Variants in TBC1D5 observed in about 807,000 individuals in gnomAD.
TBC1D5 encodes the protein TBC1 domain family member 5.
TBC1D5 carries 75 observed loss-of-function variants against 100.3 expected under a neutral mutation model. The observed-to-expected ratio is 0.75, with a 90% CI of 0.62 to 0.91. The LOEUF (loss-of-function observed/expected upper bound fraction) is 0.91, where lower values mean the gene tolerates loss of function less well. Among genes scored for constraint, TBC1D5 ranks in the 40% least tolerant of loss-of-function variants. The pLI is 0.00. For synonymous variants in TBC1D5, 323 were observed against 325.6 expected, an observed-to-expected ratio of 0.99 and a Z score of 0.09; for missense variants, 910 against 942.4, an observed-to-expected ratio of 0.97 and a Z score of 0.45.
intron 8 of TBC1D5, among the ~76,000 whole-genome samples, chr3:17,401,287 A>C: frequency 6.8e-6 from 1 of 147,494 alleles, no homozygotes; most frequent in African/African-American, 2.5e-5. Context: ...ATACACATAT[A>C]TATGTATGTG....
intron 19 of TBC1D5, among the ~76,000 whole-genome samples, chr3:17,179,656 A>G (rs927823911): frequency 2.6e-5 from 4 of 152,204 alleles, no homozygotes; most frequent in African/African-American, 9.6e-5. Flanking sequence ...ATCTGCAAAT[A>G]AAGAACAGCT....
At chr3:17,492,569 G>A (rs925355500) in intron 3 of TBC1D5, among the ~76,000 whole-genome samples, 1 of 152,084 alleles carries the variant, frequency 6.6e-6, no homozygotes, top group African/African-American at 2.4e-5. Flanking sequence ...CGAGTAGCTG[G>A]GACTACAGGA....
intron 13 of TBC1D5, among the ~76,000 whole-genome samples, chr3:17,313,147 G>C (rs1354263219): frequency 6.6e-6 from 1 of 152,122 alleles, no homozygotes; most frequent in Non-Finnish European, 1.5e-5. Context: ...TTCCAACTAG[G>C]GAGCAGTTGG....
At chr3:17,201,259 G>A (rs1250076669) in intron 18 of TBC1D5, among the ~76,000 whole-genome samples, 2 of 152,010 alleles carry the variant, frequency 1.3e-5, no homozygotes, top group Non-Finnish European at 2.9e-5. Context: ...AAAAAAACAC[G>A]GCCCCTTCTC....
At chr3:17,481,671 T>A (rs541706012) in intron 3 of TBC1D5, among the ~76,000 whole-genome samples, 28 of 152,380 alleles carry the variant, frequency 1.8e-4, no homozygotes, top group Middle Eastern at 6.8e-3. Context: ...CTATGTAGAA[T>A]AAATATGCTA....
chr3:17,544,132 T>C (rs979747603), intron 2 of TBC1D5, among the ~76,000 whole-genome samples: 1 of 152,094 alleles, frequency 6.6e-6, no homozygotes, highest in African/African-American at 2.4e-5. Flanking sequence ...CCTCCCAAAG[T>C]GTTCGGATTA....
At position 17,279,375 on chromosome 3, in the gene TBC1D5, G is replaced by C. The variant is rs184423485; in HGVS notation, c.1245+12520C>G. Among the ~76,000 whole-genome samples, 430 of 152,188 alleles carry C rather than the reference G, an allele frequency of 2.8e-3. 1 individual carries two copies. The highest frequency in any genetic ancestry group is 9.4e-3 in the African/African-American group (391 of 41,518). ...GCATAAAATCAAATGGAGAAGTAAG[G>C]GGGCACTTTCAATCCCTTTGTATGC... On this transcript the variant is annotated intron_variant, in intron 15 of 21. Transcript: ENST00000253692.
At chr3:17,360,467 A>G in intron 13 of TBC1D5, among the ~76,000 whole-genome samples, 1 of 152,082 alleles carries the variant, frequency 6.6e-6, no homozygotes, top group African/African-American at 2.4e-5. Context: ...ACCTTTTTAT[A>G]TATATATACC....
chr3:17,424,568 T>A (rs2094294052), intron 4 of TBC1D5, among the ~76,000 whole-genome samples: 1 of 152,232 alleles, frequency 6.6e-6, no homozygotes, highest in African/African-American at 2.4e-5. Flanking sequence ...TTCTCAAGTC[T>A]TATAAACTTT....
chr3:17,464,600 T>A (rs2095271583), intron 3 of TBC1D5, among the ~76,000 whole-genome samples: 1 of 152,156 alleles, frequency 6.6e-6, no homozygotes, highest in Non-Finnish European at 1.5e-5. Context: ...TCTCTAACCT[T>A]ATTTAACTTA....
intron 1 of TBC1D5, among the ~76,000 whole-genome samples, chr3:17,637,654 G>A (rs1018481945): frequency 3.9e-5 from 6 of 151,948 alleles, no homozygotes; most frequent in African/African-American, 1.2e-4. Context: ...ATAACAAGTT[G>A]CACAAAGAAA....
intron 12 of TBC1D5, among the ~76,000 whole-genome samples, chr3:17,372,791 A>G (rs1314516489): frequency 6.6e-6 from 1 of 152,236 alleles, no homozygotes; most frequent in Non-Finnish European, 1.5e-5. Context: ...TTATTATTCC[A>G]AAAATATAAA....
intron 2 of TBC1D5, among the ~76,000 whole-genome samples, chr3:17,562,525 AAAAG>A (rs1387298098): frequency 8.6e-4 from 131 of 152,142 alleles, no homozygotes; most frequent in Admixed American, 1.7e-3. Context: ...ACAAAAAAAA[AAAAG>A]AAAGAAAGAT....
chr3:17,614,918 A>C (rs1298189372), intron 2 of TBC1D5, among the ~76,000 whole-genome samples: 1 of 152,118 alleles, frequency 6.6e-6, no homozygotes. Context: ...TTCCAACACT[A>C]TGTTGAATAG....
chr3:17,302,533 G>A (rs935189654), intron 14 of TBC1D5, among the ~76,000 whole-genome samples: 4 of 152,160 alleles, frequency 2.6e-5, no homozygotes, highest in African/African-American at 9.7e-5. Context: ...TACAAAATCA[G>A]AATTTTGGAC....
At chr3:17,252,976 C>T (rs2077301796) in intron 16 of TBC1D5, among the ~76,000 whole-genome samples, 1 of 152,156 alleles carries the variant, frequency 6.6e-6, no homozygotes, top group South Asian at 2.1e-4. Context: ...GGGTGTGGGT[C>T]TTAGAATCAT....
At chr3:17,347,198 T>A (rs1434253745) in intron 13 of TBC1D5, among the ~76,000 whole-genome samples, 1 of 152,158 alleles carries the variant, frequency 6.6e-6, no homozygotes, top group Admixed American at 6.5e-5. Context: ...CTATGTGAAT[T>A]GGATATGTTA....
intron 3 of TBC1D5, among the ~76,000 whole-genome samples, chr3:17,455,628 A>T (rs2095066685): frequency 6.6e-6 from 1 of 151,564 alleles, no homozygotes. Context: ...GCTTGAGCTC[A>T]GGAGTTCGAA....
intron 4 of TBC1D5, among the ~76,000 whole-genome samples, chr3:17,413,610 T>G (rs1220595256): frequency 6.6e-6 from 1 of 152,210 alleles, no homozygotes; most frequent in East Asian, 1.9e-4. Context: ...TGTTAATATC[T>G]TCTAAATTTA....
Sources: allele counts gnomAD v4.1 joint callset (sites outside exome capture counted in the v4.1 genomes callset), GRCh38; gene constraint gnomAD v4.1.1; transcripts MANE v1.5; gene names NCBI Gene and HGNC (gene_info 2026-07-23, HGNC 2026-07-21).